The following DOCK5 variants were observed in gnomAD, a reference collection of about 807,000 sequenced individuals.
DOCK5 encodes dedicator of cytokinesis protein 5.
Under a neutral mutation model 251.8 loss-of-function variants are expected in DOCK5, and 142 were observed. The ratio of observed to expected loss-of-function variants is 0.56; its 90% CI spans 0.49 to 0.65. The LOEUF is 0.65. Ranked by LOEUF, DOCK5 falls within the 30% of genes least tolerant of loss-of-function variation. DOCK5 has a pLI of 0.00. For missense variants in DOCK5, 2,111 were observed against 2,312.3 expected, an observed-to-expected ratio of 0.91 and a Z score of 1.79; for synonymous variants, 842 against 835.5, an observed-to-expected ratio of 1.01 and a Z score of -0.13.
chr8:25,381,544 C>T (rs867291108), intron 39 of DOCK5, among the ~76,000 whole-genome samples: 7 of 151,960 alleles, frequency 4.6e-5, no homozygotes, highest in African/African-American at 1.7e-4. Flanking sequence ...GGGAGGATCA[C>T]CTGAGCCTGG....
intron 1 of DOCK5, among the ~76,000 whole-genome samples, chr8:25,237,770 GC>G (rs1327015344): frequency 6.6e-6 from 1 of 152,210 alleles, no homozygotes; most frequent in Admixed American, 6.5e-5. Flanking sequence ...GGTGGTGCCT[GC>G]CGGTTCAAAA....
chr8:25,391,792 G>A, intron 42 of DOCK5, 104 bp from the exon 43 acceptor site: 2 of 955,248 alleles, frequency 2.1e-6, no homozygotes, highest in Middle Eastern at 2.1e-4. Context: ...AGCTTAGTGG[G>A]TAAAACTCAG....
intron 38 of DOCK5, among the ~76,000 whole-genome samples, chr8:25,377,749 C>A (rs1800990332): frequency 6.6e-6 from 1 of 152,150 alleles, no homozygotes; most frequent in South Asian, 2.1e-4. Flanking sequence ...CTGGGGCCAG[C>A]CACATGAAGG....
At chr8:25,242,005 G>A (rs189985329) in intron 1 of DOCK5, among the ~76,000 whole-genome samples, 3 of 152,134 alleles carry the variant, frequency 2.0e-5, no homozygotes, top group African/African-American at 7.2e-5. Context: ...GCCTTTTGGG[G>A]GGTGGGGGTC....
chr8:25,375,024 C>T, intron 37 of DOCK5: 5 of 1,070,838 alleles, frequency 4.7e-6, no homozygotes, highest in Non-Finnish European at 5.8e-6. Flanking sequence ...TATTTTTATT[C>T]TCTCCCTAAA....
intron 40 of DOCK5, among the ~76,000 whole-genome samples, chr8:25,384,465 T>TTA (rs896279959): frequency 3.1e-4 from 30 of 96,454 alleles, no homozygotes; most frequent in African/African-American, 9.1e-4. Flanking sequence ...ATTTATTTAT[T>TTA]TTTTTTTTTT....
At chr8:25,294,533 A>G (rs1248092021) in intron 6 of DOCK5, among the ~76,000 whole-genome samples, 1 of 152,104 alleles carries the variant, frequency 6.6e-6, no homozygotes, top group Non-Finnish European at 1.5e-5. Flanking sequence ...TTCTGTGTGC[A>G]CTTTGGGCAC....
At position 25,275,389 on chromosome 8, in the gene DOCK5, A is replaced by T; in HGVS notation, c.172A>T (p.Ile58Phe). The T allele has an allele frequency of 6.2e-7, 1 of 1,606,536 alleles. No individual in the cohort carries two copies. Among genetic ancestry groups the T allele is most frequent in the Non-Finnish European group, 8.5e-7 (1 of 1,177,998 alleles). ...ACCAAAATTCTTTTCTCTGTAGGGC[A>T]TTTTCCCTGAAACATATATCCATTT... ...YTLQNKSKKG[I>F]FPETYIHLKE... is the part of the protein sequence containing the mutation. Residue 58 changes from isoleucine (I) to phenylalanine (F), a missense_variant, in exon 4 of 52, where the codon ATT (isoleucine) becomes TTT (phenylalanine). Ile to Phe is a conservative substitution (Grantham distance 21). Coordinates refer to ENST00000276440, the MANE Select transcript of DOCK5 (RefSeq NM_024940.8).
chr8:25,243,794 G>A (rs746044466), intron 2 of DOCK5, 37 bp downstream of exon 2: 1 of 1,594,156 alleles, frequency 6.3e-7, no homozygotes, highest in East Asian at 2.2e-5. Context: ...TGAGGGCAAG[G>A]GAAAAACAGT....
intron 3 of DOCK5, among the ~76,000 whole-genome samples, chr8:25,269,537 C>G (rs1369504172): frequency 6.6e-6 from 1 of 151,902 alleles, no homozygotes; most frequent in Admixed American, 6.6e-5. Context: ...AAGAATGTAT[C>G]TTTTACTGTG....
At chr8:25,353,970 A>G (rs957286466) in intron 27 of DOCK5, among the ~76,000 whole-genome samples, 7 of 140,570 alleles carry the variant, frequency 5.0e-5, no homozygotes, top group African/African-American at 1.1e-4. Flanking sequence ...TGAGGTTGCA[A>G]TGAGCCAAGG....
At chr8:25,308,458 G>A (rs1364065732) in intron 11 of DOCK5, among the ~76,000 whole-genome samples, 1 of 152,022 alleles carries the variant, frequency 6.6e-6, no homozygotes, top group Non-Finnish European at 1.5e-5. Context: ...TTCCGTGGGT[G>A]CTCTGTCTTC....
intron 1 of DOCK5, among the ~76,000 whole-genome samples, chr8:25,203,946 A>G (rs975281137): frequency 1.5e-5 from 2 of 134,094 alleles, no homozygotes. Flanking sequence ...ATACAGATGG[A>G]GGAAATAGAA....
At chr8:25,306,019 A>C (rs1804912769) in intron 11 of DOCK5, among the ~76,000 whole-genome samples, 1 of 152,206 alleles carries the variant, frequency 6.6e-6, no homozygotes, top group African/African-American at 2.4e-5. Context: ...CAGTTTCTAA[A>C]CATAATAGTG....
At chr8:25,398,092 G>A (rs1801378417) in intron 45 of DOCK5, among the ~76,000 whole-genome samples, 1 of 152,166 alleles carries the variant, frequency 6.6e-6, no homozygotes, top group Admixed American at 6.5e-5. Flanking sequence ...GGAGCTGTGT[G>A]CTGTAATTCA....
intron 37 of DOCK5, 197 bp downstream of exon 37, chr8:25,374,851 T>TA (rs2117291064): frequency 7.1e-7 from 1 of 1,415,712 alleles, no homozygotes; most frequent in East Asian, 2.8e-5. Context: ...ATCTTTTATT[T>TA]AAAAATCCTT....
intron 18 of DOCK5, among the ~76,000 whole-genome samples, chr8:25,327,227 A>G (rs1805584331): frequency 6.6e-6 from 1 of 152,250 alleles, no homozygotes; most frequent in Non-Finnish European, 1.5e-5. Context: ...TGTACACAGA[A>G]AACGATGAAT....
intron 9 of DOCK5, among the ~76,000 whole-genome samples, chr8:25,301,651 G>T (rs1804765265): frequency 6.6e-6 from 1 of 150,920 alleles, no homozygotes; most frequent in African/African-American, 2.4e-5. Context: ...GATCCCTTGA[G>T]CCTAGACGTT....
rs1375738548 is a variant in DOCK5 at position 25,372,635 on chromosome 8, T to G, written c.3601T>G (p.Leu1201Val). ...CTTCGCCCTCCTGGTCAGCAGCCTC[T>G]TAGAGAACCTGCTGGACTATAGAAC... ...EVFALLVSSL[L>V]ENLLDYRTII... Residue 1201 changes from leucine to valine, a missense_variant, in exon 35 of 52, where the codon TTA becomes GTA. Around this residue, in one of 3 missense-constraint regions of DOCK5, gnomAD observed 1,717 missense variants for 1,892.4 expected, o/e 0.91. Coordinates refer to ENST00000276440, the MANE Select transcript of DOCK5 (RefSeq NM_024940.8). The G allele has an allele frequency of 1.9e-6, 3 of 1,609,782 alleles. No homozygotes were observed. The highest frequency in any genetic ancestry group is 1.7e-5 in the Admixed American group (1 of 59,204).
Sources: gnomAD v4.1 joint callset for allele counts (sites outside exome capture counted in the v4.1 genomes callset) on GRCh38, gnomAD v4.1.1 for gene constraint, gnomAD v4.1.1 regional missense constraint, MANE v1.5 for transcripts, NCBI Gene and HGNC (gene_info 2026-07-23, HGNC 2026-07-21) for gene names.